The following HIVEP3 variants were observed in gnomAD, a reference collection of about 807,000 sequenced individuals.
The protein encoded by HIVEP3 is transcription factor HIVEP3.
HIVEP3 carries 49 observed loss-of-function variants against 152.8 expected under a neutral mutation model. That is an observed-to-expected ratio of 0.32 (90% confidence interval 0.26 to 0.41). HIVEP3 has a LOEUF of 0.41. HIVEP3 is among the 10% of genes least tolerant of loss of function. The probability of loss-of-function intolerance (pLI) is 1.00; values close to 1 mark genes in which losing one functional copy is unlikely to be tolerated. For synonymous variants in HIVEP3, 1,269 were observed against 1,289.0 expected (o/e 0.98, Z 0.33); for missense variants, 2,790 against 3,103.3 (o/e 0.90, Z 2.40).
At chr1:41,790,657 T>C (rs764234208) in intron 1 of HIVEP3, among the ~76,000 whole-genome samples, 22 of 152,158 alleles carry the variant, frequency 1.4e-4, no homozygotes, top group Non-Finnish European at 2.6e-4. Context: ...GCCAAAGATA[T>C]GGGAGAATCC....
chr1:41,704,417 T>C (rs995645396), intron 1 of HIVEP3, among the ~76,000 whole-genome samples: 1 of 152,186 alleles, frequency 6.6e-6, no homozygotes, highest in African/African-American at 2.4e-5. Flanking sequence ...GGAAAGGTGG[T>C]CTCCAGAGAA....
intron 5 of HIVEP3, among the ~76,000 whole-genome samples, chr1:41,572,204 T>A (rs4509569): frequency 6.6e-6 from 1 of 152,024 alleles, no homozygotes; most frequent in South Asian, 2.1e-4. Flanking sequence ...AAAACCAGTG[T>A]CTGCAGTTCA....
At position 41,575,663 on chromosome 1, in the gene HIVEP3, C is replaced by CG; in HGVS notation, c.5087dup (p.Glu1697GlyfsTer8). 6.2e-7 allele frequency: 1 copy of CG among 1,614,102 alleles called. No homozygotes were observed. Among genetic ancestry groups the CG allele is most frequent in the East Asian group, 2.2e-5 (1 of 44,876 alleles). ...CTCTAGCTAGATCTTTCTGGCCTTC[C>CG]GGGGAAACCAGTGAAGGGAGGTGAA... On this transcript the variant is annotated frameshift_variant, in exon 5 of 9. Coordinates refer to ENST00000372583, the MANE Select transcript of HIVEP3 (RefSeq NM_024503.5). LOFTEE classifies it high-confidence loss of function.
In HIVEP3 at chr1:41,580,202, C is replaced by T. The variant is rs1362137043; in HGVS notation, c.4596G>A (p.Lys1532=). The change falls in exon 4 of 9, where the codon AAG becomes AAA. Residue 1532 remains lysine (K), a synonymous_variant. Transcript: ENST00000372583. ...GTTTGCCAGATGGCTGGGGATATTC[C>T]TTCAAAGCTTCTGAGCCTGGGGCTG... is the stretch of plus-strand genomic sequence containing the variant. ...HGTAPGSEAL[K]EYPQPSGKPH... 6.2e-7 allele frequency: 1 copy of T among 1,612,118 alleles called. No individual in the cohort carries two copies. The highest frequency in any genetic ancestry group is 8.5e-7 in the Non-Finnish European group (1 of 1,178,964).
chr1:41,899,941 T>A (rs1644594080), intron 1 of HIVEP3, among the ~76,000 whole-genome samples: 1 of 152,204 alleles, frequency 6.6e-6, no homozygotes, highest in Non-Finnish European at 1.5e-5. Flanking sequence ...CAGGCCATGA[T>A]CTTCTCCCCT....
chr1:41,679,779 G>T (rs924281734), intron 2 of HIVEP3, among the ~76,000 whole-genome samples: 3 of 152,168 alleles, frequency 2.0e-5, no homozygotes, highest in African/African-American at 4.8e-5. Flanking sequence ...TTCCATCTAG[G>T]GCTAGAATTA....
At chr1:41,631,386 A>G (rs567485063) in intron 2 of HIVEP3, among the ~76,000 whole-genome samples, 1 of 152,300 alleles carries the variant, frequency 6.6e-6, no homozygotes, top group African/African-American at 2.4e-5. Context: ...AGGTTGGAAC[A>G]ATGCCTGGCA....
At chr1:41,587,486 C>A (rs1261302414) in intron 3 of HIVEP3, among the ~76,000 whole-genome samples, 1 of 152,148 alleles carries the variant, frequency 6.6e-6, no homozygotes, top group Non-Finnish European at 1.5e-5. Flanking sequence ...CATCGAGGAA[C>A]AACAGGAATA....
chr1:41,553,702 A>C (rs10789393), intron 5 of HIVEP3, among the ~76,000 whole-genome samples: 89,906 of 151,930 alleles, frequency 0.59, 26,747 homozygotes, highest in Middle Eastern at 0.66. Flanking sequence ...CTGGTGGTGA[A>C]AAAATCTCTC....
intron 1 of HIVEP3, among the ~76,000 whole-genome samples, chr1:41,714,504 G>A (rs895493904): frequency 6.6e-6 from 1 of 152,220 alleles, no homozygotes; most frequent in African/African-American, 2.4e-5. Context: ...GACAGCAGGG[G>A]GGATGAGGGG....
At chr1:41,742,868 G>A (rs114964986) in intron 1 of HIVEP3, among the ~76,000 whole-genome samples, 1,662 of 152,328 alleles carry the variant, frequency 0.011, 7 homozygotes, top group South Asian at 0.025. Context: ...GAGGAGTGCA[G>A]TCTCTAAAGC....
chr1:41,632,907 G>A (rs887714549), intron 2 of HIVEP3, among the ~76,000 whole-genome samples: 3 of 152,154 alleles, frequency 2.0e-5, no homozygotes, highest in Admixed American at 6.5e-5. Context: ...GGGACATGAC[G>A]GTTTGACAGA....
At chr1:41,989,245 ATG>A in intron 1 of HIVEP3, among the ~76,000 whole-genome samples, 1 of 152,338 alleles carries the variant, frequency 6.6e-6, no homozygotes, top group African/African-American at 2.4e-5. Context: ...TGATAATTAT[ATG>A]TGTTAATGGG....
chr1:41,743,084 G>A (rs572231723), intron 1 of HIVEP3, among the ~76,000 whole-genome samples: 10 of 151,752 alleles, frequency 6.6e-5, no homozygotes, highest in Admixed American at 2.6e-4. Context: ...ACTGTAAGTG[G>A]ATATTAGGGG....
At chr1:41,826,102 A>G (rs1642794816) in intron 1 of HIVEP3, among the ~76,000 whole-genome samples, 1 of 152,184 alleles carries the variant, frequency 6.6e-6, no homozygotes. Flanking sequence ...TTGCTCTGAC[A>G]TAGGACTATT....
chr1:41,778,186 G>C (rs1274444776), intron 1 of HIVEP3, among the ~76,000 whole-genome samples: 1 of 152,186 alleles, frequency 6.6e-6, no homozygotes, highest in Admixed American at 6.5e-5. Flanking sequence ...ACAAGCAGAG[G>C]GGGTGCTTGT....
chr1:41,710,396 G>A (rs891993386), intron 1 of HIVEP3, among the ~76,000 whole-genome samples: 7 of 152,128 alleles, frequency 4.6e-5, no homozygotes, highest in African/African-American at 9.7e-5. Context: ...CTAAGGTCGC[G>A]CCAGCTCTGA....
At chr1:41,616,194 A>T (rs1301894324) in intron 3 of HIVEP3, among the ~76,000 whole-genome samples, 1 of 152,106 alleles carries the variant, frequency 6.6e-6, no homozygotes, top group Non-Finnish European at 1.5e-5. Flanking sequence ...CATGGTTGGC[A>T]TGGCTCATAC....
At chr1:41,665,707 T>TACACACACACACACACAC (rs10530354) in intron 2 of HIVEP3, among the ~76,000 whole-genome samples, 12,624 of 127,790 alleles carry the variant, frequency 0.099, 1,003 homozygotes, top group East Asian at 0.29. Flanking sequence ...GGAAATGTTA[T>TACACACACACACACACAC]ACACACACAC....
Sources: allele counts gnomAD v4.1 joint callset (sites outside exome capture counted in the v4.1 genomes callset), GRCh38; gene constraint gnomAD v4.1.1; transcripts MANE v1.5; gene names NCBI Gene and HGNC (gene_info 2026-07-23, HGNC 2026-07-21).